The following FER variants were observed in gnomAD, a reference collection of about 807,000 sequenced individuals.
FER encodes the protein FER tyrosine kinase, also known as tyrosine-protein kinase Fer.
FER carries 63 observed loss-of-function variants against 111.0 expected under a neutral mutation model. The observed-to-expected ratio is 0.57, with a 90% confidence interval of 0.46 to 0.70. The LOEUF (loss-of-function observed/expected upper bound fraction) is 0.70, where lower values mean the gene tolerates loss of function less well. Ranked by LOEUF, FER falls within the 30% of genes least tolerant of loss-of-function variation. FER has a pLI of 0.00. For synonymous variants in FER, 327 were observed against 313.9 expected (o/e 1.04, Z -0.44); for missense variants, 914 against 954.0 (o/e 0.96, Z 0.55).
chr5:109,148,478 T>C (rs1754477316), intron 17 of FER, among the ~76,000 whole-genome samples: 1 of 152,152 alleles, frequency 6.6e-6, no homozygotes, highest in Admixed American at 6.6e-5. Context: ...TCAGATAGCA[T>C]GTGGGAAGAA....
intron 3 of FER, among the ~76,000 whole-genome samples, chr5:108,802,445 A>G (rs1213361565): frequency 6.6e-6 from 1 of 152,102 alleles, no homozygotes; most frequent in African/African-American, 2.4e-5. Context: ...TATGGTATGA[A>G]TGACCCCATT....
intron 5 of FER, chr5:108,842,434 G>T (rs1036139686): frequency 3.3e-5 from 5 of 152,026 alleles, no homozygotes; most frequent in African/African-American, 1.2e-4. Context: ...CTTTTGCACA[G>T]CAAAAGGAAC....
In FER at chr5:109,194,833, G is replaced by A; in HGVS notation, c.*7258G>A. Reference sequence around the variant, plus strand: ...TTTTTCATATAGCTGTTGTCAAATAGTATAACCTTGGTGTCTTCTTTGAGT... The same window carrying A: ...TTTTTCATATAGCTGTTGTCAAATAATATAACCTTGGTGTCTTCTTTGAGT... On this transcript the variant is annotated 3_prime_UTR_variant, in exon 20 of 20. Transcript: ENST00000281092. 1 of 145,294 alleles carries A rather than the reference G, an allele frequency of 6.9e-6. No homozygotes were observed. Among genetic ancestry groups the A allele is most frequent in the South Asian group, 2.4e-4 (1 of 4,170 alleles). The allele number at this position is 145,294 out of a possible 1,614,324, so 9.0% of individuals were successfully genotyped here.
At chr5:108,758,634 A>G (rs1751384470) in intron 1 of FER, among the ~76,000 whole-genome samples, 1 of 152,156 alleles carries the variant, frequency 6.6e-6, no homozygotes, top group Admixed American at 6.5e-5. Flanking sequence ...TCGTTGAAGG[A>G]TTCCAATCAT....
At chr5:108,768,366 T>TA (rs1272501992) in intron 2 of FER, 128 bp downstream of exon 2, 2 of 152,352 alleles carry the variant, frequency 1.3e-5, no homozygotes, top group East Asian at 3.9e-4. Context: ...TGTAGGCTGT[T>TA]ACTGTTTTAT....
intron 2 of FER, among the ~76,000 whole-genome samples, chr5:108,775,952 T>C (rs1481550659): frequency 6.6e-6 from 1 of 152,222 alleles, no homozygotes; most frequent in Admixed American, 6.5e-5. Flanking sequence ...TCTATCTTGC[T>C]GTGGCAGCTT....
chr5:108,918,911 T>C (rs1269334658), intron 10 of FER, among the ~76,000 whole-genome samples: 4 of 152,236 alleles, frequency 2.6e-5, no homozygotes, highest in African/African-American at 9.6e-5. Flanking sequence ...GAGTTCTCGA[T>C]TGCAGATATT....
At chr5:109,070,968 C>T (rs771827057) in intron 16 of FER, among the ~76,000 whole-genome samples, 13 of 151,894 alleles carry the variant, frequency 8.6e-5, no homozygotes, top group Non-Finnish European at 1.6e-4. Flanking sequence ...AAGTATCTAT[C>T]GTATGGCAGC....
intron 17 of FER, among the ~76,000 whole-genome samples, chr5:109,132,406 A>T (rs934397493): frequency 3.3e-5 from 5 of 152,198 alleles, no homozygotes; most frequent in Non-Finnish European, 1.5e-5. Context: ...CTTGGGATGC[A>T]TCAGTGAACA....
chr5:108,925,450 A>G (rs1753608333), intron 10 of FER, among the ~76,000 whole-genome samples: 1 of 152,102 alleles, frequency 6.6e-6, no homozygotes, highest in Admixed American at 6.5e-5. Flanking sequence ...AATGTATAAA[A>G]TATAATTTCT....
chr5:108,798,217 A>T lies in FER; in HGVS notation c.35A>T (p.Glu12Val), dbSNP rs1756257916. ...GFGSDLKNSH[E>V]AVLKLQDWEL... Reference sequence around the variant, plus strand: ...GGGAGTGACCTGAAGAATTCACATGAAGCAGTGTTAAAATTGCAAGACTGG... The same window carrying T: ...GGGAGTGACCTGAAGAATTCACATGTAGCAGTGTTAAAATTGCAAGACTGG... Residue 12 changes from glutamate (E) to valine (V), a missense_variant, in exon 3 of 20, where the codon GAA becomes GTA. By Grantham distance (121) the Glu-to-Val change is moderately radical. Around this residue, in one of 3 missense-constraint regions of FER, gnomAD observed 774 missense variants for 782.6 expected, o/e 0.99. Transcript: ENST00000281092. 1 of 1,614,138 alleles carries T rather than the reference A, an allele frequency of 6.2e-7. No homozygotes were observed. The highest frequency in any genetic ancestry group is 2.2e-5 in the East Asian group (1 of 44,862).
intron 10 of FER, among the ~76,000 whole-genome samples, chr5:108,902,598 G>T (rs541714573): frequency 1.3e-5 from 2 of 152,264 alleles, no homozygotes; most frequent in African/African-American, 4.8e-5. Flanking sequence ...CCCTTTCAAG[G>T]AGCCTCCTGG....
rs145763554 is a variant in FER, at chr5:108,839,508, A to C, written c.481+3701A>C. Among the ~76,000 whole-genome samples the C allele has an allele frequency of 1.1e-3, 165 of 152,102 alleles. 3 individuals carry two copies. In the East Asian group the frequency reaches 0.028, roughly 26 times the overall value. ...ATCCAATGGGTTTTTAAAAAGAATA[A>C]GTAGAGCAGGAAGCAGAAAGTAGCC... On this transcript the variant is annotated intron_variant, in intron 5 of 19. Transcript: ENST00000281092.
chr5:109,180,966 A>G (rs1176697835), intron 18 of FER, 65 bp downstream of exon 18: 12 of 1,410,396 alleles, frequency 8.5e-6, no homozygotes, highest in Non-Finnish European at 9.6e-6. Context: ...AAACATTCAC[A>G]AGCAATATTT....
At chr5:108,784,397 T>G (rs1480453594) in intron 2 of FER, 1 of 153,798 alleles carries the variant, frequency 6.5e-6, no homozygotes, top group Non-Finnish European at 1.5e-5. Flanking sequence ...CGTGAGACAA[T>G]TTGTGGGCCA....
chr5:108,921,366 A>G (rs761118077), intron 10 of FER, among the ~76,000 whole-genome samples: 2 of 152,060 alleles, frequency 1.3e-5, no homozygotes, highest in Admixed American at 6.5e-5. Context: ...GTATGTTTTT[A>G]TTATCTGTCT....
In FER at chr5:108,917,532, T is replaced by A. The variant is rs544425280; in HGVS notation, c.1236+19684T>A. On this transcript the variant is annotated intron_variant, in intron 10 of 19. Transcript: ENST00000281092. ...TGCTCTTCCTTATTGTTTTCTTGGG[T>A]GATTTTGGGGGATGTTGCCTCTTTC... is the stretch of plus-strand genomic sequence containing the variant. 9.2e-5 allele frequency among the ~76,000 whole-genome samples: 14 copies of A among 152,246 alleles called. No individual in the cohort carries two copies. The East Asian group carries it at 2.5e-3, about 27-fold the overall frequency.
intron 13 of FER, among the ~76,000 whole-genome samples, chr5:109,032,087 C>T (rs934235059): frequency 1.3e-5 from 2 of 152,150 alleles, no homozygotes; most frequent in East Asian, 3.9e-4. Flanking sequence ...TATTCCTAGA[C>T]TTACACCCCT....
At chr5:108,772,658 C>G (rs546430974) in intron 2 of FER, among the ~76,000 whole-genome samples, 96 of 152,116 alleles carry the variant, frequency 6.3e-4, no homozygotes, top group African/African-American at 2.0e-3. Flanking sequence ...TTTAAATATA[C>G]ATGACATTGG....
Sources: gnomAD v4.1 joint callset for allele counts (sites outside exome capture counted in the v4.1 genomes callset) on GRCh38, gnomAD v4.1.1 for gene constraint, gnomAD v4.1.1 regional missense constraint, MANE v1.5 for transcripts, NCBI Gene and HGNC (gene_info 2026-07-23, HGNC 2026-07-21) for gene names.